RGL3: variants seen among roughly 807,000 people sequenced by gnomAD.
RGL3 encodes the protein ral guanine nucleotide dissociation stimulator-like 3.
RGL3 carries 85 observed loss-of-function variants against 90.6 expected under a neutral mutation model. The ratio of observed to expected loss-of-function variants is 0.94; its 90% CI spans 0.79 to 1.12. RGL3 has a LOEUF of 1.12. Among genes scored for constraint, RGL3 ranks in the 50% most tolerant of loss-of-function variants. The pLI is 0.00. For missense variants in RGL3, 1,034 were observed against 939.2 expected (o/e 1.10, Z -1.32); for synonymous variants, 408 against 385.5 (o/e 1.06, Z -0.68).
At chr19:11,406,138 T>C (rs1968773895) in intron 7 of RGL3, among the ~76,000 whole-genome samples, 1 of 151,864 alleles carries the variant, frequency 6.6e-6, no homozygotes, top group South Asian at 2.1e-4. Context: ...TCCCTCGGGC[T>C]CCAGCCCCTC....
Position 11,411,950 on chromosome 19 carries a change from T to G in RGL3, c.637+3987A>C, listed in dbSNP as rs562752563. Among the ~76,000 whole-genome samples, 5 of 151,700 alleles carry G rather than the reference T, an allele frequency of 3.3e-5. No homozygotes were observed. The South Asian group carries it at 1.0e-3, about 31-fold the overall frequency. ...TTTTTTTATATCAAATATTTCTGAT[T>G]TTTTTTTAAGTATGAACATGAAGGT... is the stretch of plus-strand genomic sequence containing the variant. On this transcript the variant is annotated intron_variant, in intron 5 of 18. Transcript: ENST00000380456.
At chr19:11,413,787 A>C (rs1381596989) in intron 5 of RGL3, among the ~76,000 whole-genome samples, 1 of 147,156 alleles carries the variant, frequency 6.8e-6, no homozygotes, top group Non-Finnish European at 1.5e-5. Flanking sequence ...TCTGTCACCC[A>C]GGCTGGAGTT....
chr19:11,402,614 T>C (rs1406881148), intron 10 of RGL3, 36 bp downstream of exon 10: 1 of 1,612,608 alleles, frequency 6.2e-7, no homozygotes, highest in African/African-American at 1.3e-5. Context: ...TCCCTGAAGG[T>C]CCCACTTGTC....
At position 11,419,152 on chromosome 19, in the gene RGL3, T is replaced by A. The variant is rs1444771532; in HGVS notation, c.33+94A>T. On this transcript the variant is annotated intron_variant, in intron 1 of 18. Coordinates refer to ENST00000380456, the MANE Select transcript of RGL3 (RefSeq NM_001035223.4). ...AGGGGACTCCAGGGCAAGTTCAGATTGGGAGCAGATACCGTCCGACGGGCG... is the reference window on the plus strand; with the variant it reads ...AGGGGACTCCAGGGCAAGTTCAGATAGGGAGCAGATACCGTCCGACGGGCG... The A allele has an allele frequency of 2.9e-6, 4 of 1,375,892 alleles. No individual in the cohort carries two copies. In the East Asian group the frequency reaches 7.6e-5, roughly 26 times the overall value. 85.2% of individuals were successfully genotyped at this position (1,375,892 alleles called of 1,614,324 possible). A position where few individuals can be genotyped will look rare whatever the true frequency, so the allele number is the denominator to read the frequency against.
rs569216725 is a variant in RGL3, at chr19:11,411,647, G to A, written c.637+4290C>T. Reference sequence around the variant, plus strand: ...GGTATTTTTTCTGTTTTTGAGGCAGGGTCTCGCTCTGTCACCTAGGCTGGA... The same window carrying A: ...GGTATTTTTTCTGTTTTTGAGGCAGAGTCTCGCTCTGTCACCTAGGCTGGA... On this transcript the variant is annotated intron_variant, in intron 5 of 18. Coordinates refer to ENST00000380456, the MANE Select transcript of RGL3 (RefSeq NM_001035223.4). Among the ~76,000 whole-genome samples the A allele has an allele frequency of 1.6e-4, 25 of 152,258 alleles. No individual in the cohort carries two copies. In the South Asian group the frequency reaches 4.1e-3, roughly 25 times the overall value.
chr19:11,408,458 C>T (rs761693732), intron 5 of RGL3, among the ~76,000 whole-genome samples: 4 of 152,046 alleles, frequency 2.6e-5, no homozygotes, highest in Non-Finnish European at 4.4e-5. Flanking sequence ...TGATGGCACG[C>T]GCCTGTAATC....
chr19:11,409,824 G>A (rs1419049167), intron 5 of RGL3, among the ~76,000 whole-genome samples: 3 of 152,188 alleles, frequency 2.0e-5, no homozygotes, highest in African/African-American at 7.2e-5. Flanking sequence ...ACCTCATCAT[G>A]TGTCCTAGTG....
At chr19:11,412,802 T>C (rs1010093345) in intron 5 of RGL3, among the ~76,000 whole-genome samples, 2 of 151,752 alleles carry the variant, frequency 1.3e-5, no homozygotes, top group South Asian at 4.2e-4. Flanking sequence ...CCGTCTCTAC[T>C]AAAACTACAA....
rs553968069 is a variant in RGL3, at chr19:11,395,637, C to CT, written c.2015-1118dup. 6.1e-4 allele frequency among the ~76,000 whole-genome samples: 93 copies of CT among 151,322 alleles called. 2 individuals carry two copies. The South Asian group carries it at 0.015, about 25-fold the overall frequency. ...CTCGACCCTAGACAATCTATTTTTT[C>CT]TTTTTTTTTGAGACGGAGTCTCACT... On this transcript the variant is annotated intron_variant, in intron 18 of 18. Transcript: ENST00000380456.
rs186763488 is a variant in RGL3, at chr19:11,400,249, G to A, written c.1533C>T (p.Ser511=). The change falls in exon 14 of 19, where the codon AGC becomes AGT. Residue 511 remains serine (S), a synonymous_variant. Coordinates refer to ENST00000380456, the MANE Select transcript of RGL3 (RefSeq NM_001035223.4). ...VIEPPAASCP[S]SPRIRRRISL... Reference sequence around the variant, plus strand: ...TGATCCGCCGTCGGATGCGTGGGGAGCTGGGGCAGGAGGCAGCTGGTGGCT... The same window carrying A: ...TGATCCGCCGTCGGATGCGTGGGGAACTGGGGCAGGAGGCAGCTGGTGGCT... The A allele has an allele frequency of 3.1e-6, 5 of 1,601,746 alleles. No homozygotes were observed. The highest frequency in any genetic ancestry group is 4.3e-6 in the Non-Finnish European group (5 of 1,173,498).
At chr19:11,396,136 C>CTATATATATA (rs1568334082) in intron 18 of RGL3, among the ~76,000 whole-genome samples, 1 of 17,900 alleles carries the variant, frequency 5.6e-5, no homozygotes, top group Non-Finnish European at 1.0e-4. Context: ...CTCTCTCTCT[C>CTATATATATA]TATATATATA....
chr19:11,407,071 C>T (rs573113992), intron 5 of RGL3: 7 of 476,534 alleles, frequency 1.5e-5, no homozygotes, highest in Middle Eastern at 5.7e-4. Flanking sequence ...CCACAACCTC[C>T]GCCTCCTGGG....
chr19:11,400,134 C>A (rs1243998322), intron 14 of RGL3, 26 bp from the exon 15 acceptor site: 2 of 1,595,562 alleles, frequency 1.3e-6, no homozygotes, highest in Non-Finnish European at 1.7e-6. Flanking sequence ...GGGGATGAGG[C>A]TAAGGCAGGA....
chr19:11,419,048 G>A (rs959311219), intron 1 of RGL3, among the ~76,000 whole-genome samples, 198 bp downstream of exon 1: 2 of 152,304 alleles, frequency 1.3e-5, no homozygotes, highest in African/African-American at 4.8e-5. Context: ...TCTTTCTGCC[G>A]ACTGCGCTCA....
At chr19:11,401,395 ATTT>A in intron 13 of RGL3, among the ~76,000 whole-genome samples, 1 of 136,096 alleles carries the variant, frequency 7.3e-6, no homozygotes, top group African/African-American at 2.7e-5. Flanking sequence ...CATTCAGCTA[ATTT>A]TTTTTTTTTT....
intron 13 of RGL3, among the ~76,000 whole-genome samples, chr19:11,401,702 C>T (rs1015686799): frequency 2.6e-5 from 4 of 151,602 alleles, no homozygotes; most frequent in Admixed American, 6.6e-5. Flanking sequence ...TGCCCAGCCA[C>T]GTTCAGCTAA....
At chr19:11,414,165 A>ATATACACACC (rs1968923977) in intron 5 of RGL3, among the ~76,000 whole-genome samples, 1 of 111,234 alleles carries the variant, frequency 9.0e-6, no homozygotes, top group Non-Finnish European at 1.7e-5. Flanking sequence ...ATATATATAT[A>ATATACACACC]TATATATATA....
At chr19:11,398,312 C>T (rs1968613091) in intron 16 of RGL3, among the ~76,000 whole-genome samples, 1 of 152,122 alleles carries the variant, frequency 6.6e-6, no homozygotes, top group Non-Finnish European at 1.5e-5. Context: ...CTCAGGCCCA[C>T]ATTTCCTCTT....
chr19:11,417,055 G>A lies in RGL3; in HGVS notation c.152C>T (p.Pro51Leu), dbSNP rs751366347. 27 of 1,591,016 alleles carry A rather than the reference G, an allele frequency of 1.7e-5. No homozygotes were observed. Among genetic ancestry groups the A allele is most frequent in the Non-Finnish European group, 2.1e-5 (25 of 1,167,580 alleles). ...PAEGPGGSQA[P>L]SPIANTFLHY... ...GAGGAAGGTATTGGCAATGGGGCTG[G>A]GAGCCTGCAGGAGGGGAGAGGTGGC... is the stretch of plus-strand genomic sequence containing the variant. The change falls in exon 3 of 19, where the codon CCC (proline) becomes CTC (leucine). Residue 51 changes from proline (P) to leucine (L), a missense_variant. Pro to Leu is a moderately conservative substitution (Grantham distance 98). Transcript: ENST00000380456.
Sources: gnomAD v4.1 joint callset for allele counts (sites outside exome capture counted in the v4.1 genomes callset) on GRCh38, gnomAD v4.1.1 for gene constraint, MANE v1.5 for transcripts, NCBI Gene and HGNC (gene_info 2026-07-23, HGNC 2026-07-21) for gene names.